PCDHGB2: variants seen among roughly 807,000 people sequenced by gnomAD.
The protein encoded by PCDHGB2 is protocadherin gamma subfamily B, 2.
Under a neutral mutation model 59.3 loss-of-function variants are expected in PCDHGB2, and 55 were observed. That is an observed-to-expected ratio of 0.93 (90% CI 0.75 to 1.16). The LOEUF is 1.16. Ranked by LOEUF, PCDHGB2 falls within the 50% of genes most tolerant of loss-of-function variation. PCDHGB2 has a pLI of 0.00. For missense variants in PCDHGB2, 1,228 were observed against 1,198.5 expected (o/e 1.02, Z -0.36); for synonymous variants, 516 against 512.0 (o/e 1.01, Z -0.11).
intron 1 of PCDHGB2, chr5:141,389,566 T>G: frequency 6.2e-7 from 1 of 1,613,278 alleles, no homozygotes; most frequent in Non-Finnish European, 8.5e-7. Context: ...CCACGGGTGC[T>G]GTACCCCGCG....
At chr5:141,405,114 C>T in intron 1 of PCDHGB2, 1 of 1,613,970 alleles carries the variant, frequency 6.2e-7, no homozygotes, top group Non-Finnish European at 8.5e-7. Flanking sequence ...CACTGGCACT[C>T]CTCGCATCTG....
Position 141,405,169 on chromosome 5 carries a change from C to G in PCDHGB2, c.2421+42613C>G, listed in dbSNP as rs377298438. 12 of 1,614,004 alleles carry G rather than the reference C, an allele frequency of 7.4e-6. No homozygotes were observed. The African/African-American group carries it at 1.6e-4, about 22-fold the overall frequency. On this transcript the variant is annotated intron_variant, in intron 1 of 3. Coordinates refer to ENST00000522605, the MANE Select transcript of PCDHGB2 (RefSeq NM_018923.3). ...GGTTGGCTGGTGTGCCCACCTCACA[C>G]TTTGTGGGTGTAGATGGGGTTCGAG...
chr5:141,410,849 C>CTTTTTTTTTTTT lies in PCDHGB2; in HGVS notation c.2421+48304_2421+48315dup. The CTTTTTTTTTTTT allele has an allele frequency of 2.7e-3, 375 of 138,154 alleles. 24 individuals are homozygous for CTTTTTTTTTTTT. The highest frequency in any genetic ancestry group is 6.9e-3 in the African/African-American group (114 of 16,622). 8.6% of individuals were successfully genotyped at this position (138,154 alleles called of 1,614,324 possible). ...CAGACTGAAGATATTTTGTCTTTGTCTTTTTTTTTTTTTTTTTTTTTTGAG... is the reference window on the plus strand; with the variant it reads ...CAGACTGAAGATATTTTGTCTTTGTCTTTTTTTTTTTTTTTTTTTTTTTTTTTTTTTTTTGAG... On this transcript the variant is annotated intron_variant, in intron 1 of 3. Coordinates refer to ENST00000522605, the MANE Select transcript of PCDHGB2 (RefSeq NM_018923.3).
Position 141,374,832 on chromosome 5 carries a change from G to A in PCDHGB2, c.2421+12276G>A, listed in dbSNP as rs776699327. On this transcript the variant is annotated intron_variant, in intron 1 of 3. Transcript: ENST00000522605. ...TTTACTCAGCCTGTCTACCGTGTAA[G>A]TGTTCCTGAAAACCTGCCAGTAGGC... 3.1e-6 allele frequency: 5 copies of A among 1,613,908 alleles called. 1 individual carries two copies. The South Asian group carries it at 5.5e-5, about 18-fold the overall frequency.
chr5:141,366,291 T>A, intron 1 of PCDHGB2: 1 of 1,613,746 alleles, frequency 6.2e-7, no homozygotes, highest in Non-Finnish European at 8.5e-7. Context: ...CAGCCCCCTC[T>A]GTCAGCCACC....
rs369886570 is a variant in PCDHGB2 at position 141,487,839 on chromosome 5, G to A, written c.2422-6968G>A. ...GGGGGCGGGTCATGCCTATATCTGAGTAAGAAATGAAAGTAATTGGTGATC... is the reference window on the plus strand; with the variant it reads ...GGGGGCGGGTCATGCCTATATCTGAATAAGAAATGAAAGTAATTGGTGATC... On this transcript the variant is annotated intron_variant, in intron 1 of 3. Transcript: ENST00000522605. The surrounding 1 kb of genome is among the most constrained non-coding windows in gnomAD (Gnocchi z 5.0). The A allele has an allele frequency of 2.7e-6, 3 of 1,103,412 alleles. No homozygotes were observed. Among genetic ancestry groups the A allele is most frequent in the African/African-American group, 1.6e-5 (1 of 63,054 alleles). The allele number at this position is 1,103,412 out of a possible 1,614,324, so 68.4% of individuals were successfully genotyped here.
intron 1 of PCDHGB2, chr5:141,389,107 T>C (rs1349471179): frequency 1.2e-6 from 2 of 1,613,940 alleles, no homozygotes; most frequent in Non-Finnish European, 8.5e-7. Context: ...GATGCTGTTC[T>C]AGACCGCGAG....
intron 1 of PCDHGB2, among the ~76,000 whole-genome samples, chr5:141,481,655 T>A (rs933683728): frequency 1.3e-5 from 2 of 152,054 alleles, no homozygotes; most frequent in African/African-American, 4.8e-5. Flanking sequence ...TCATCTCTAC[T>A]AATAATACAA....
intron 1 of PCDHGB2, among the ~76,000 whole-genome samples, chr5:141,463,762 T>C (rs113547206): frequency 2.0e-5 from 3 of 152,214 alleles, no homozygotes; most frequent in African/African-American, 4.8e-5. Flanking sequence ...TCTTCTCTTA[T>C]GGGTTAGAAT....
intron 1 of PCDHGB2, chr5:141,402,812 C>T: frequency 8.0e-7 from 1 of 1,243,800 alleles, no homozygotes; most frequent in East Asian, 2.6e-5. Flanking sequence ...GCAGATACCA[C>T]AAACCTGCTC....
At chr5:141,364,165 C>T (rs556224229) in intron 1 of PCDHGB2, 4 of 699,984 alleles carry the variant, frequency 5.7e-6, no homozygotes, top group Admixed American at 7.5e-5. Context: ...CAGAGGCGAC[C>T]CGACTCTGCT....
At chr5:141,404,058 T>C (rs1411363585) in intron 1 of PCDHGB2, 1 of 1,613,778 alleles carries the variant, frequency 6.2e-7, no homozygotes, top group Non-Finnish European at 8.5e-7. Flanking sequence ...ATTCTTCTTT[T>C]CAATGCTCAT....
At chr5:141,478,936 G>A in intron 1 of PCDHGB2, 1 of 633,220 alleles carries the variant, frequency 1.6e-6, no homozygotes, top group African/African-American at 1.9e-5. Context: ...GCAGCTTCTA[G>A]GAATACAAAA....
intron 1 of PCDHGB2, chr5:141,392,627 G>T: frequency 1.7e-6 from 1 of 584,572 alleles, no homozygotes; most frequent in Non-Finnish European, 2.9e-6. Flanking sequence ...AAAACACTCA[G>T]ATCTCACACC....
chr5:141,420,525 C>T (rs895355117), intron 1 of PCDHGB2: 2 of 358,086 alleles, frequency 5.6e-6, no homozygotes, highest in South Asian at 2.1e-4. Flanking sequence ...AAATACCTTT[C>T]GGTTAAAAAT....
rs371821042 is a variant in PCDHGB2, at chr5:141,421,764, T to C, written c.2421+59208T>C. The C allele has an allele frequency of 8.7e-6, 14 of 1,613,782 alleles. No individual in the cohort carries two copies. The African/African-American group carries it at 1.5e-4, about 17-fold the overall frequency. ...ACCAGCTCAGCCCTAATAATTACTT[T>C]TCCTTGCAACTGCGGGGCAGAACGG... On this transcript the variant is annotated intron_variant, in intron 1 of 3. Transcript: ENST00000522605.
rs750174731 is a variant in PCDHGB2, at chr5:141,361,516, G to T, written c.1381G>T (p.Val461Leu). ...VFQQTSYMVH[V>L]AENNPPGASI... The stretch of plus-strand genomic sequence containing the variant: ...CCAACAGACTTCCTACATGGTTCAC[G>T]TGGCAGAGAACAATCCTCCTGGCGC... Residue 461 changes from valine (V) to leucine (L), a missense_variant, in exon 1 of 4, where the codon GTG becomes TTG. Around this residue, in one of 3 missense-constraint regions of PCDHGB2, gnomAD observed 781 missense variants for 721.6 expected, o/e 1.08. Coordinates refer to ENST00000522605, the MANE Select transcript of PCDHGB2 (RefSeq NM_018923.3). 4 of 1,613,942 alleles carry T rather than the reference G, an allele frequency of 2.5e-6. No individual in the cohort carries two copies. The highest frequency in any genetic ancestry group is 3.4e-6 in the Non-Finnish European group (4 of 1,179,906).
In PCDHGB2 at chr5:141,489,782, A is replaced by C. The variant is rs770399288; in HGVS notation, c.2422-5025A>C. On this transcript the variant is annotated intron_variant, in intron 1 of 3. Coordinates refer to ENST00000522605, the MANE Select transcript of PCDHGB2 (RefSeq NM_018923.3). The surrounding 1 kb of genome is among the most constrained non-coding windows in gnomAD (Gnocchi z 4.5). ...AGCCCCAACAGCCACTTCTCTCTGA[A>C]TGTGAAGACCCTAAAAGATGGGAAG... 2 of 1,614,078 alleles carry C rather than the reference A, an allele frequency of 1.2e-6. No homozygotes were observed. The highest frequency in any genetic ancestry group is 2.2e-5 in the East Asian group (1 of 44,894).
chr5:141,405,059 G>A (rs374581472), intron 1 of PCDHGB2: 22 of 1,613,900 alleles, frequency 1.4e-5, no homozygotes, highest in Non-Finnish European at 1.9e-5. Flanking sequence ...CGTCTCCTGT[G>A]TCTTCCTCAC....
Sources: gnomAD v4.1 joint callset for allele counts (sites outside exome capture counted in the v4.1 genomes callset) on GRCh38, gnomAD v4.1.1 for gene constraint, gnomAD v4.1.1 regional missense constraint, Gnocchi (gnomAD v3.1) non-coding constraint, MANE v1.5 for transcripts, NCBI Gene and HGNC (gene_info 2026-07-23, HGNC 2026-07-21) for gene names.